Variants in CTNNA3 observed in about 807,000 individuals in gnomAD.
CTNNA3 encodes catenin alpha-3.
A neutral mutation model predicts 95.7 loss-of-function variants in CTNNA3; 76 were observed. That is an observed-to-expected ratio of 0.79 (90% CI 0.66 to 0.96). The LOEUF (loss-of-function observed/expected upper bound fraction) is 0.96. CTNNA3 is among the 40% of genes least tolerant of loss of function. The probability of loss-of-function intolerance (pLI) is 0.00; values close to 1 mark genes in which losing one functional copy is unlikely to be tolerated. For synonymous variants in CTNNA3, 431 were observed against 374.4 expected, an observed-to-expected ratio of 1.15 and a Z score of -1.74; for missense variants, 1,191 against 1,089.8, an observed-to-expected ratio of 1.09 and a Z score of -1.31.
chr10:66,996,397 G>A (rs1397583961), intron 7 of CTNNA3, among the ~76,000 whole-genome samples: 1 of 152,082 alleles, frequency 6.6e-6, no homozygotes, highest in Admixed American at 6.6e-5. Context: ...TGTAATCCTA[G>A]CACTTTGGGA....
At chr10:67,107,249 C>T (rs956928351) in intron 7 of CTNNA3, among the ~76,000 whole-genome samples, 4 of 152,192 alleles carry the variant, frequency 2.6e-5, no homozygotes, top group African/African-American at 9.7e-5. Flanking sequence ...AAGCTCAGAG[C>T]CAAATTAAAT....
At chr10:66,102,576 A>AAGTG (rs1170177057) in intron 14 of CTNNA3, among the ~76,000 whole-genome samples, 1 of 152,180 alleles carries the variant, frequency 6.6e-6, no homozygotes, top group Non-Finnish European at 1.5e-5. Flanking sequence ...TGCAAGCGAT[A>AAGTG]AGTGGCTAGG....
chr10:67,487,498 A>T (rs1256120328), intron 5 of CTNNA3, among the ~76,000 whole-genome samples: 1 of 152,178 alleles, frequency 6.6e-6, no homozygotes, highest in Non-Finnish European at 1.5e-5. Flanking sequence ...CCCTACACCT[A>T]ATTTTGGTGG....
At chr10:66,313,489 G>A (rs753355966) in intron 12 of CTNNA3, among the ~76,000 whole-genome samples, 1 of 152,150 alleles carries the variant, frequency 6.6e-6, no homozygotes, top group Non-Finnish European at 1.5e-5. Context: ...CAAGGCGTTT[G>A]CTGCTGTTGA....
At chr10:67,414,274 A>G (rs1845472692) in intron 5 of CTNNA3, among the ~76,000 whole-genome samples, 1 of 152,120 alleles carries the variant, frequency 6.6e-6, no homozygotes, top group South Asian at 2.1e-4. Flanking sequence ...CCACAGAAAT[A>G]CAAAAGAACC....
chr10:67,256,230 A>C (rs1866343945), intron 5 of CTNNA3, among the ~76,000 whole-genome samples: 1 of 152,140 alleles, frequency 6.6e-6, no homozygotes, highest in Non-Finnish European at 1.5e-5. Context: ...ATTTGGCATA[A>C]ATGCATTTTT....
intron 2 of CTNNA3, among the ~76,000 whole-genome samples, chr10:67,644,361 G>A (rs757624642): frequency 2.6e-5 from 4 of 151,778 alleles, no homozygotes; most frequent in East Asian, 1.9e-4. Context: ...CCTATCCTTC[G>A]TCCGCTTTTT....
chr10:67,544,521 T>C lies in CTNNA3; in HGVS notation c.293-4852A>G, dbSNP rs181498617. ...AAGGCAGTAAATGTATAAAACAGAATAGAGAATGATAAAGGGAAGAGATAC... is the reference window on the plus strand; with the variant it reads ...AAGGCAGTAAATGTATAAAACAGAACAGAGAATGATAAAGGGAAGAGATAC... On this transcript the variant is annotated intron_variant, in intron 3 of 17. Transcript: ENST00000433211. Among the ~76,000 whole-genome samples, 11 of 152,094 alleles carry C rather than the reference T, an allele frequency of 7.2e-5. No homozygotes were observed. In the East Asian group the frequency reaches 1.7e-3, roughly 24 times the overall value.
chr10:67,232,932 A>G (rs1356428928), intron 5 of CTNNA3, among the ~76,000 whole-genome samples: 1 of 152,098 alleles, frequency 6.6e-6, no homozygotes, highest in African/African-American at 2.4e-5. Flanking sequence ...ACATAACGGT[A>G]AAGGGATCAA....
chr10:66,107,117 A>C (rs1318646568), intron 13 of CTNNA3, among the ~76,000 whole-genome samples: 1 of 152,234 alleles, frequency 6.6e-6, no homozygotes, highest in Non-Finnish European at 1.5e-5. Context: ...GATGATGGAA[A>C]TAATTTGTCT....
chr10:66,276,317 G>T (rs2091397732), intron 13 of CTNNA3, among the ~76,000 whole-genome samples: 1 of 152,012 alleles, frequency 6.6e-6, no homozygotes, highest in Non-Finnish European at 1.5e-5. Context: ...CATTCTGAAT[G>T]CCCGTTATAG....
chr10:67,599,808 A>T (rs922300070), intron 3 of CTNNA3, among the ~76,000 whole-genome samples: 1 of 152,186 alleles, frequency 6.6e-6, no homozygotes, highest in African/African-American at 2.4e-5. Flanking sequence ...TTCAGCACAA[A>T]TTGATCCATA....
At chr10:67,464,417 C>A (rs780712333) in intron 5 of CTNNA3, among the ~76,000 whole-genome samples, 2 of 152,132 alleles carry the variant, frequency 1.3e-5, no homozygotes, top group Non-Finnish European at 2.9e-5. Flanking sequence ...AGCTATTGTT[C>A]ATATCACTCC....
intron 2 of CTNNA3, among the ~76,000 whole-genome samples, chr10:67,647,118 G>A (rs913894654): frequency 1.8e-4 from 25 of 142,340 alleles, no homozygotes; most frequent in African/African-American, 6.3e-4. Context: ...TATCAAAGAA[G>A]ATAATTTATA....
chr10:67,374,736 T>C (rs1462363763), intron 5 of CTNNA3, among the ~76,000 whole-genome samples: 1 of 152,132 alleles, frequency 6.6e-6, no homozygotes, highest in Non-Finnish European at 1.5e-5. Flanking sequence ...AGCAGCAATC[T>C]ATATGGTTAG....
intron 7 of CTNNA3, among the ~76,000 whole-genome samples, chr10:66,813,416 A>T (rs1841958666): frequency 6.6e-6 from 1 of 152,212 alleles, no homozygotes; most frequent in South Asian, 2.1e-4. Context: ...CTATGTTTTA[A>T]GTCATGCTTG....
At chr10:67,438,843 G>T (rs998279324) in intron 5 of CTNNA3, among the ~76,000 whole-genome samples, 1 of 152,306 alleles carries the variant, frequency 6.6e-6, no homozygotes, top group Admixed American at 6.5e-5. Context: ...GCCAGCTCCT[G>T]CCCAAAAAGG....
At chr10:67,105,909 C>T (rs2394339) in intron 7 of CTNNA3, among the ~76,000 whole-genome samples, 84,259 of 152,018 alleles carry the variant, frequency 0.55, 24,711 homozygotes, top group African/African-American at 0.76. Flanking sequence ...CAACATTTTT[C>T]CGCCTTTGGA....
At position 67,067,888 on chromosome 10, in the gene CTNNA3, G is replaced by C. The variant is rs143434609; in HGVS notation, c.1047+112429C>G. Among the ~76,000 whole-genome samples the C allele has an allele frequency of 6.2e-4, 94 of 152,276 alleles. 2 individuals are homozygous for C. In the East Asian group the frequency reaches 0.013, roughly 21 times the overall value. On this transcript the variant is annotated intron_variant, in intron 7 of 17. Transcript: ENST00000433211. ...AACGCTTGGCTGAAAGTATGTACAGGGTCCATTGGCAACACAAAGGAAGGA... is the reference window on the plus strand; with the variant it reads ...AACGCTTGGCTGAAAGTATGTACAGCGTCCATTGGCAACACAAAGGAAGGA...
Sources: gnomAD v4.1 joint callset for allele counts (sites outside exome capture counted in the v4.1 genomes callset) on GRCh38, gnomAD v4.1.1 for gene constraint, MANE v1.5 for transcripts, NCBI Gene and HGNC (gene_info 2026-07-23, HGNC 2026-07-21) for gene names.